Variants in KIF14 observed in about 807,000 individuals in gnomAD.
KIF14 encodes the protein kinesin-like protein KIF14.
A neutral mutation model predicts 176.2 loss-of-function variants in KIF14; 98 were observed. The ratio of observed to expected loss-of-function variants is 0.56; its 90% CI spans 0.47 to 0.66. The LOEUF (loss-of-function observed/expected upper bound fraction) is 0.66. KIF14 is among the 30% of genes least tolerant of loss of function. KIF14 has a pLI of 0.00. For missense variants in KIF14, 1,751 were observed against 1,920.4 expected, an observed-to-expected ratio of 0.91 and a Z score of 1.65; for synonymous variants, 566 against 632.2, an observed-to-expected ratio of 0.90 and a Z score of 1.57.
intron 4 of KIF14, among the ~76,000 whole-genome samples, chr1:200,610,212 A>C (rs1660081932): frequency 1.3e-5 from 2 of 152,180 alleles, no homozygotes; most frequent in Admixed American, 1.3e-4. Context: ...TCAATAAAAA[A>C]AATTTTGGCT....
At chr1:200,590,006 G>T (rs988423144) in intron 17 of KIF14, 119 bp downstream of exon 17, 5 of 1,037,056 alleles carry the variant, frequency 4.8e-6, no homozygotes, top group Non-Finnish European at 5.6e-6. Context: ...CTGTGGCTTT[G>T]ATTCACTAAT....
chr1:200,587,368 C>A (rs1658805466), intron 18 of KIF14, among the ~76,000 whole-genome samples: 1 of 140,010 alleles, frequency 7.1e-6, no homozygotes, highest in African/African-American at 2.7e-5. Flanking sequence ...AAGAAAACCC[C>A]AAAAAGGCAG....
intron 6 of KIF14, 132 bp downstream of exon 6, chr1:200,606,614 G>T: frequency 1.3e-6 from 1 of 765,172 alleles, no homozygotes; most frequent in Non-Finnish European, 2.3e-6. Flanking sequence ...AAGGGTAGAA[G>T]GCTAAATAAA....
rs6666919 is a variant in KIF14, at chr1:200,593,385, C to T, written c.2652+282G>A. Among the ~76,000 whole-genome samples, 23,180 of 152,100 alleles carry T rather than the reference C, an allele frequency of 0.15. 2,283 individuals are homozygous for T. The highest frequency in any genetic ancestry group is 0.39 in the East Asian group (2,034 of 5,180). ...TTGCCAGACGTCACAGAGCAAATGG[C>T]AAAGCCAGGATTTCAACCCTGTCTG... is the stretch of plus-strand genomic sequence containing the variant. On this transcript the variant is annotated intron_variant, in intron 15 of 29. Transcript: ENST00000367350.
rs111905365 is a variant in KIF14 at position 200,613,929 on chromosome 1, T to A, written c.1455+389A>T. On this transcript the variant is annotated intron_variant, in intron 4 of 29. Coordinates refer to ENST00000367350, the MANE Select transcript of KIF14 (RefSeq NM_014875.3). ...TTTTGAAGTCAACTCTGGGTTCAAATCCCAATTTCACTACTCTTTCTGATT... is the reference window on the plus strand; with the variant it reads ...TTTTGAAGTCAACTCTGGGTTCAAAACCCAATTTCACTACTCTTTCTGATT... Among the ~76,000 whole-genome samples the A allele has an allele frequency of 3.2e-3, 494 of 152,308 alleles. 5 individuals are homozygous for A. The highest frequency in any genetic ancestry group is 0.011 in the African/African-American group (476 of 41,564).
chr1:200,571,885 T>A (rs944119873), intron 22 of KIF14, among the ~76,000 whole-genome samples: 1 of 152,236 alleles, frequency 6.6e-6, no homozygotes, highest in African/African-American at 2.4e-5. Flanking sequence ...CTTGTCATAT[T>A]CCTTTCAAAG....
intron 22 of KIF14, among the ~76,000 whole-genome samples, chr1:200,572,786 C>G (rs1657882453): frequency 1.3e-5 from 2 of 152,162 alleles, no homozygotes; most frequent in African/African-American, 4.8e-5. Flanking sequence ...AAATCATTCT[C>G]TGATGAATTT....
intron 18 of KIF14, 95 bp downstream of exon 18, chr1:200,589,122 G>T: frequency 1.1e-6 from 1 of 937,420 alleles, no homozygotes. Flanking sequence ...CCTGGATTTG[G>T]CTCTCTTCTG....
chr1:200,572,565 A>C (rs367970534), intron 22 of KIF14, among the ~76,000 whole-genome samples: 9 of 152,074 alleles, frequency 5.9e-5, no homozygotes, highest in African/African-American at 1.7e-4. Flanking sequence ...GGATGGTCTC[A>C]ATCTCCTGAC....
intron 22 of KIF14, among the ~76,000 whole-genome samples, chr1:200,570,662 A>G (rs1657733632): frequency 6.6e-6 from 1 of 152,222 alleles, no homozygotes; most frequent in Non-Finnish European, 1.5e-5. Context: ...TTGCATGTCA[A>G]TAAAGCTTAG....
At chr1:200,620,139 C>T (rs1169107778) in intron 1 of KIF14, among the ~76,000 whole-genome samples, 1 of 152,192 alleles carries the variant, frequency 6.6e-6, no homozygotes, top group Non-Finnish European at 1.5e-5. Flanking sequence ...AGCTTATAAG[C>T]ATCTCCCATC....
At chr1:200,602,205 C>T in intron 10 of KIF14, 137 bp from the exon 11 acceptor site, 1 of 639,826 alleles carries the variant, frequency 1.6e-6, no homozygotes, top group South Asian at 2.6e-5. Context: ...TAAAACTTTT[C>T]TGGTATTTGT....
rs1179581629 is a variant in KIF14 at position 200,600,110 on chromosome 1, C to T, written c.2304G>A (p.Val768=). Residue 768 remains valine, a synonymous_variant, in exon 13 of 30, where the codon GTG becomes GTA. Coordinates refer to ENST00000367350, the MANE Select transcript of KIF14 (RefSeq NM_014875.3). The stretch of plus-strand genomic sequence containing the variant: ...CAGCTTGTTCAAACTTTTCTTTCCA[C>T]ACTCTTTCCAAAGACAAAGAAAATA... ...QERDMAEMQR[V]WKEKFEQAEK... 3.8e-6 allele frequency: 6 copies of T among 1,596,480 alleles called. No individual in the cohort carries two copies. The highest frequency in any genetic ancestry group is 2.2e-5 in the East Asian group (1 of 44,706).
At chr1:200,576,110 T>C (rs1658086549) in intron 21 of KIF14, among the ~76,000 whole-genome samples, 1 of 152,164 alleles carries the variant, frequency 6.6e-6, no homozygotes, top group Admixed American at 6.5e-5. Flanking sequence ...TCTAGCAAAA[T>C]GCTACATAGA....
At chr1:200,589,664 C>G (rs1239947890) in intron 17 of KIF14, among the ~76,000 whole-genome samples, 3 of 124,882 alleles carry the variant, frequency 2.4e-5, no homozygotes, top group African/African-American at 9.2e-5. Context: ...TCGCCACCAA[C>G]TTTTTTCTTT....
chr1:200,620,213 T>C (rs1324436008), intron 1 of KIF14, among the ~76,000 whole-genome samples, 198 bp downstream of exon 1: 2 of 152,210 alleles, frequency 1.3e-5, no homozygotes, highest in Admixed American at 1.3e-4. Flanking sequence ...AAAAAGAAGA[T>C]TCTGGAAATT....
chr1:200,577,779 TTTG>T (rs1658210422), intron 21 of KIF14, among the ~76,000 whole-genome samples: 1 of 33,638 alleles, frequency 3.0e-5, no homozygotes, highest in South Asian at 1.4e-3. Flanking sequence ...TATTGTGGTT[TTTG>T]TTTGTTTGTT....
Position 200,553,108 on chromosome 1 carries a change from A to C in KIF14, c.*280T>G, listed in dbSNP as rs1030359623. ...ACAGGCACGCGCCACCATGCCCAGC[A>C]AATTTTTGTATTTTTAGTAGAGACG... On this transcript the variant is annotated 3_prime_UTR_variant, in exon 30 of 30. Coordinates refer to ENST00000367350, the MANE Select transcript of KIF14 (RefSeq NM_014875.3). 5 of 183,934 alleles carry C rather than the reference A, an allele frequency of 2.7e-5. No individual in the cohort carries two copies. Among genetic ancestry groups the C allele is most frequent in the Non-Finnish European group, 5.6e-5 (5 of 89,426 alleles). The allele number at this position is 183,934 out of a possible 1,614,324, so 11.4% of individuals were successfully genotyped here.
rs144906847 is a variant in KIF14 at position 200,558,223 on chromosome 1, G to C, written c.4353+1107C>G. Among the ~76,000 whole-genome samples the C allele has an allele frequency of 3.1e-3, 467 of 152,284 alleles. 4 individuals carry two copies. Among genetic ancestry groups the C allele is most frequent in the African/African-American group, 0.011 (440 of 41,554 alleles). ...TCCTGCCTTGGCCTTCCAAAGTGCT[G>C]GGATTACAGGCATGAGCTACCATCC... On this transcript the variant is annotated intron_variant, in intron 27 of 29. Transcript: ENST00000367350.
Sources: gnomAD v4.1 joint callset for allele counts (sites outside exome capture counted in the v4.1 genomes callset) on GRCh38, gnomAD v4.1.1 for gene constraint, MANE v1.5 for transcripts, NCBI Gene and HGNC (gene_info 2026-07-23, HGNC 2026-07-21) for gene names.